Variants in ADAM18 observed in about 807,000 individuals in gnomAD.
ADAM18 encodes the protein disintegrin and metalloproteinase domain-containing protein 18.
Under a neutral mutation model 94.4 loss-of-function variants are expected in ADAM18, and 117 were observed. The ratio of observed to expected loss-of-function variants is 1.24; its 90% CI spans 1.07 to 1.45. The LOEUF is 1.45. Among genes scored for constraint, ADAM18 ranks in the 40% most tolerant of loss-of-function variants. ADAM18 has a pLI of 0.00. For missense variants in ADAM18, 936 were observed against 880.0 expected (o/e 1.06, Z -0.81); for synonymous variants, 327 against 291.6 (o/e 1.12, Z -1.24).
intron 5 of ADAM18, among the ~76,000 whole-genome samples, 171 bp from the exon 6 acceptor site, chr8:39,610,358 C>G (rs1819231992): frequency 6.6e-6 from 1 of 151,990 alleles, no homozygotes; most frequent in Non-Finnish European, 1.5e-5. Context: ...GATATGGTGG[C>G]TCTTACTAAT....
At chr8:39,685,841 G>A (rs1373098222) in intron 16 of ADAM18, among the ~76,000 whole-genome samples, 1 of 151,954 alleles carries the variant, frequency 6.6e-6, no homozygotes, top group Non-Finnish European at 1.5e-5. Flanking sequence ...TTATTTCATG[G>A]CTCAGAAATC....
intron 7 of ADAM18, among the ~76,000 whole-genome samples, chr8:39,632,639 CTTG>C: frequency 6.6e-6 from 1 of 151,890 alleles, no homozygotes; most frequent in Non-Finnish European, 1.5e-5. Context: ...GATTTTTCTT[CTTG>C]TTATCAAGAT....
At chr8:39,681,182 C>T (rs895804641) in intron 16 of ADAM18, among the ~76,000 whole-genome samples, 1 of 152,216 alleles carries the variant, frequency 6.6e-6, no homozygotes, top group East Asian at 1.9e-4. Flanking sequence ...TGCATGGACT[C>T]TCTCCCTTGC....
intron 11 of ADAM18, among the ~76,000 whole-genome samples, chr8:39,647,415 G>T (rs941621159): frequency 6.6e-6 from 1 of 152,152 alleles, no homozygotes; most frequent in Non-Finnish European, 1.5e-5. Context: ...GCCATAGGGC[G>T]GTTTTTCTCC....
At chr8:39,692,264 C>T (rs1456917236) in intron 16 of ADAM18, among the ~76,000 whole-genome samples, 1 of 151,690 alleles carries the variant, frequency 6.6e-6, no homozygotes, top group Non-Finnish European at 1.5e-5. Flanking sequence ...TTATTCATAA[C>T]AAAACATTAA....
chr8:39,601,926 GTA>G (rs1818917057), intron 2 of ADAM18, among the ~76,000 whole-genome samples: 1 of 152,092 alleles, frequency 6.6e-6, no homozygotes, highest in Non-Finnish European at 1.5e-5. Flanking sequence ...CATAAATGAT[GTA>G]TTTCATGTCT....
At chr8:39,634,766 T>A (rs1820032784) in intron 7 of ADAM18, among the ~76,000 whole-genome samples, 3 of 152,200 alleles carry the variant, frequency 2.0e-5, no homozygotes, top group African/African-American at 7.2e-5. Context: ...CCAGAATAAA[T>A]CTTGCCTTGA....
chr8:39,682,754 G>C (rs1388479012), intron 16 of ADAM18, among the ~76,000 whole-genome samples: 4 of 152,174 alleles, frequency 2.6e-5, no homozygotes, highest in African/African-American at 9.7e-5. Flanking sequence ...TCTACAAATG[G>C]AAGAGCTATA....
Position 39,638,517 on chromosome 8 carries a change from A to C in ADAM18, c.880A>C (p.Asn294His), listed in dbSNP as rs1474646561. 1 of 1,575,084 alleles carries C rather than the reference A, an allele frequency of 6.3e-7. No individual in the cohort carries two copies. ...VGATFPGTVC[N>H]KSYDAGIAMY... Reference sequence around the variant, plus strand: ...AGCAACATTTCCTGGCACTGTATGCAATAAAAGCTATGATGCAGGTATTGC... The same window carrying C: ...AGCAACATTTCCTGGCACTGTATGCCATAAAAGCTATGATGCAGGTATTGC... The change falls in exon 10 of 20, where the codon AAT becomes CAT. Residue 294 changes from asparagine to histidine, a missense_variant. Coordinates refer to ENST00000265707, the MANE Select transcript of ADAM18 (RefSeq NM_014237.3).
chr8:39,701,197 G>A (rs1044061866), intron 17 of ADAM18, among the ~76,000 whole-genome samples: 1 of 144,520 alleles, frequency 6.9e-6, no homozygotes, highest in Non-Finnish European at 1.5e-5. Flanking sequence ...ACAAAAATTG[G>A]CAATTTTATC....
chr8:39,703,811 A>G (rs916185863), intron 17 of ADAM18, among the ~76,000 whole-genome samples: 1 of 152,110 alleles, frequency 6.6e-6, no homozygotes, highest in Non-Finnish European at 1.5e-5. Context: ...TAAATAGACC[A>G]CTAGCTATAC....
At chr8:39,648,629 A>G in intron 12 of ADAM18, 102 bp downstream of exon 12, 1 of 1,040,416 alleles carries the variant, frequency 9.6e-7, no homozygotes, top group Non-Finnish European at 1.3e-6. Context: ...CAACAATGCC[A>G]TTAATTTATA....
intron 12 of ADAM18, among the ~76,000 whole-genome samples, chr8:39,658,060 C>CTT (rs1376470783): frequency 6.6e-6 from 1 of 152,160 alleles, no homozygotes; most frequent in Non-Finnish European, 1.5e-5. Flanking sequence ...TTTCGGGAAT[C>CTT]TTTGAGCTGA....
intron 2 of ADAM18, among the ~76,000 whole-genome samples, chr8:39,593,655 G>A (rs772351733): frequency 5.3e-5 from 8 of 152,032 alleles, no homozygotes; most frequent in Admixed American, 1.3e-4. Context: ...AAGGATAGTC[G>A]AAAGACTATC....
chr8:39,609,198 A>T, intron 4 of ADAM18, 78 bp downstream of exon 4: 1 of 1,022,582 alleles, frequency 9.8e-7, no homozygotes. Context: ...TTGACAGTTT[A>T]ATACAAATGT....
At chr8:39,708,963 T>C (rs1275811252) in intron 18 of ADAM18, among the ~76,000 whole-genome samples, 5 of 152,222 alleles carry the variant, frequency 3.3e-5, no homozygotes, top group African/African-American at 1.2e-4. Flanking sequence ...AGTGCTCCTT[T>C]AGCTCTGCCA....
rs1349162209 is a variant in ADAM18 at position 39,637,547 on chromosome 8, A to C, written c.671A>C (p.Gln224Pro). ...VIGLVNTMFT[Q>P]FKLTVILSSL... ...ACATCTTATTTTTAGATGTTTACCC[A>C]GTTCAAATTGACTGTTATACTGTCT... The change falls in exon 9 of 20, where the codon CAG becomes CCG. Residue 224 changes from glutamine (Q) to proline (P), a missense_variant. Gln to Pro is a moderately conservative substitution (Grantham distance 76). Transcript: ENST00000265707. The C allele has an allele frequency of 6.2e-7, 1 of 1,608,936 alleles. No homozygotes were observed. The highest frequency in any genetic ancestry group is 8.5e-7 in the Non-Finnish European group (1 of 1,177,640).
chr8:39,600,968 C>A (rs4345525), intron 2 of ADAM18, among the ~76,000 whole-genome samples: 138,594 of 152,216 alleles, frequency 0.91, 63,277 homozygotes, highest in Middle Eastern at 0.98. Flanking sequence ...ATTGGCTCAC[C>A]GTTGGGCAGG....
At chr8:39,719,922 G>A (rs1245176862) in intron 18 of ADAM18, among the ~76,000 whole-genome samples, 1 of 151,412 alleles carries the variant, frequency 6.6e-6, no homozygotes, top group Non-Finnish European at 1.5e-5. Context: ...GAATGCTGAT[G>A]CCCATACAAA....
Sources: gnomAD v4.1 joint callset for allele counts (sites outside exome capture counted in the v4.1 genomes callset) on GRCh38, gnomAD v4.1.1 for gene constraint, MANE v1.5 for transcripts, NCBI Gene and HGNC (gene_info 2026-07-23, HGNC 2026-07-21) for gene names.